FAM227B: variants seen among roughly 807,000 people sequenced by gnomAD.
FAM227B encodes the protein protein FAM227B.
FAM227B carries 88 observed loss-of-function variants against 73.8 expected under a neutral mutation model. That is an observed-to-expected ratio of 1.19 (90% CI 1.00 to 1.42). The LOEUF is 1.42. FAM227B is among the 40% of genes most tolerant of loss of function. The pLI is 0.00. For synonymous variants in FAM227B, 210 were observed against 190.5 expected (o/e 1.10, Z -0.84); for missense variants, 632 against 590.9 (o/e 1.07, Z -0.72).
At chr15:49,490,196 A>G (rs1031233442) in intron 11 of FAM227B, among the ~76,000 whole-genome samples, 5 of 151,754 alleles carry the variant, frequency 3.3e-5, no homozygotes, top group African/African-American at 1.2e-4. Flanking sequence ...AGGTTTTCCT[A>G]GATGCCTCCA....
chr15:49,574,352 C>A (rs1290311833), intron 8 of FAM227B, among the ~76,000 whole-genome samples: 1 of 152,132 alleles, frequency 6.6e-6, no homozygotes, highest in African/African-American at 2.4e-5. Context: ...GTAATCCCCA[C>A]ATGTCGAGGG....
At chr15:49,497,783 T>G (rs925339141) in intron 11 of FAM227B, among the ~76,000 whole-genome samples, 2 of 152,222 alleles carry the variant, frequency 1.3e-5, no homozygotes, top group African/African-American at 4.8e-5. Flanking sequence ...CGGTGTGTGG[T>G]AGACATGTAA....
Position 49,365,611 on chromosome 15 carries a change from G to A in FAM227B, c.1271+1837C>T. 13 of 1,097,610 alleles carry A rather than the reference G, an allele frequency of 1.2e-5. No individual in the cohort carries two copies. The South Asian group carries it at 1.4e-4, about 12-fold the overall frequency. The allele number at this position is 1,097,610 out of a possible 1,614,324, so 68.0% of individuals were successfully genotyped here. A position where few individuals can be genotyped will look rare whatever the true frequency, so the allele number is the denominator to read the frequency against. The stretch of plus-strand genomic sequence containing the variant: ...CTCACCATTCTTTGTGATGAATGGT[G>A]TTATGAAAACAAAAAATACATCATA... On this transcript the variant is annotated intron_variant, in intron 13 of 15. Transcript: ENST00000299338.
intron 11 of FAM227B, among the ~76,000 whole-genome samples, chr15:49,494,328 G>A (rs1016409322): frequency 6.6e-6 from 1 of 150,618 alleles, no homozygotes; most frequent in Non-Finnish European, 1.5e-5. Flanking sequence ...AAAAAATTCA[G>A]TTGAACAAAG....
chr15:49,550,005 A>T (rs111561194), intron 9 of FAM227B, among the ~76,000 whole-genome samples: 3 of 63,826 alleles, frequency 4.7e-5, no homozygotes, highest in South Asian at 5.7e-4. Context: ...CTGGCCGGGC[A>T]GGGGGCTGAC....
intron 15 of FAM227B, chr15:49,329,355 T>A (rs929242291): frequency 9.1e-6 from 9 of 985,394 alleles, no homozygotes; most frequent in Non-Finnish European, 1.1e-5. Context: ...CCAAAAAGTA[T>A]TTTGCTGAAA....
At chr15:49,371,708 GAAAT>G (rs1478338074) in intron 11 of FAM227B, among the ~76,000 whole-genome samples, 4 of 144,312 alleles carry the variant, frequency 2.8e-5, no homozygotes, top group Non-Finnish European at 6.1e-5. Context: ...ATAAATAAAT[GAAAT>G]AAAATTCACT....
At chr15:49,495,221 G>C (rs919398983) in intron 11 of FAM227B, among the ~76,000 whole-genome samples, 1 of 152,136 alleles carries the variant, frequency 6.6e-6, no homozygotes, top group Non-Finnish European at 1.5e-5. Flanking sequence ...TGGTAGACAT[G>C]GAAAATTATC....
At chr15:49,473,935 A>C (rs1025030524) in intron 11 of FAM227B, among the ~76,000 whole-genome samples, 3 of 152,154 alleles carry the variant, frequency 2.0e-5, no homozygotes, top group African/African-American at 7.2e-5. Context: ...AGGAACATTC[A>C]TCATTTGTTG....
At chr15:49,424,179 T>C (rs531184431) in intron 11 of FAM227B, 5 of 905,918 alleles carry the variant, frequency 5.5e-6, no homozygotes, top group Non-Finnish European at 8.4e-6. Flanking sequence ...GAGCAACTAC[T>C]CTTTCTTAAA....
chr15:49,410,025 C>G (rs963148053), intron 11 of FAM227B, among the ~76,000 whole-genome samples: 1 of 152,096 alleles, frequency 6.6e-6, no homozygotes, highest in Non-Finnish European at 1.5e-5. Flanking sequence ...TCAGGCTCAC[C>G]TTCCCACATG....
At chr15:49,583,601 G>A (rs1164044256) in intron 5 of FAM227B, among the ~76,000 whole-genome samples, 1 of 150,580 alleles carries the variant, frequency 6.6e-6, no homozygotes, top group African/African-American at 2.4e-5. Flanking sequence ...TCTGTCTATG[G>A]AGTAGCCATT....
Position 49,559,320 on chromosome 15 carries a change from G to T in FAM227B, c.747+8925C>A, listed in dbSNP as rs1187018817. Reference sequence around the variant, plus strand: ...TTTGGGCATTTGTGGGAAAGCAAGGGGCTCCAGCTGTGTCTCTCCAACCCC... The same window carrying T: ...TTTGGGCATTTGTGGGAAAGCAAGGTGCTCCAGCTGTGTCTCTCCAACCCC... On this transcript the variant is annotated intron_variant, in intron 9 of 15. Transcript: ENST00000299338. Among the ~76,000 whole-genome samples the T allele has an allele frequency of 3.9e-5, 6 of 152,126 alleles. No homozygotes were observed. In the East Asian group the frequency reaches 1.2e-3, roughly 30 times the overall value.
intron 10 of FAM227B, among the ~76,000 whole-genome samples, chr15:49,529,750 C>G (rs1273865466): frequency 6.6e-6 from 1 of 151,612 alleles, no homozygotes; most frequent in Non-Finnish European, 1.5e-5. Flanking sequence ...CACATCTACT[C>G]TTTTTCCTTC....
Position 49,335,495 on chromosome 15 carries a change from G to A in FAM227B, c.1273C>T (p.Leu425=). Residue 425 remains leucine, a splice_region_variant and synonymous_variant, in exon 14 of 16, where the codon CTA becomes TTA. Transcript: ENST00000299338. The part of the protein sequence containing the change: ...IKLTKIFQEP[L]PAPTYRDVIK... Reference sequence around the variant, plus strand: ...ACATCACGGTATGTTGGAGCAGGTAGTGTGCTAGGCTTATTATTAAGGAAT... The same window carrying A: ...ACATCACGGTATGTTGGAGCAGGTAATGTGCTAGGCTTATTATTAAGGAAT... 2 of 1,611,752 alleles carry A rather than the reference G, an allele frequency of 1.2e-6. No individual in the cohort carries two copies. Among genetic ancestry groups the A allele is most frequent in the South Asian group, 1.1e-5 (1 of 91,008 alleles).
chr15:49,564,049 G>A (rs1046837846), intron 9 of FAM227B, among the ~76,000 whole-genome samples: 2 of 151,998 alleles, frequency 1.3e-5, no homozygotes, highest in Non-Finnish European at 2.9e-5. Flanking sequence ...GCATAAACAG[G>A]CAACCTACAG....
chr15:49,612,095 A>AT (rs995709626), intron 2 of FAM227B, among the ~76,000 whole-genome samples: 71 of 143,542 alleles, frequency 4.9e-4, no homozygotes, highest in South Asian at 2.5e-3. Context: ...TGGAGAGGCT[A>AT]TTTTTTTTTA....
In FAM227B at chr15:49,577,168, G is replaced by C. The variant is rs1027098792; in HGVS notation, c.442-323C>G. 2.5e-5 allele frequency: 7 copies of C among 280,986 alleles called. No individual in the cohort carries two copies. In the East Asian group the frequency reaches 7.7e-4, roughly 31 times the overall value. 17.4% of individuals were successfully genotyped at this position (280,986 alleles called of 1,614,324 possible). A position where few individuals can be genotyped will look rare whatever the true frequency, so the allele number is the denominator to read the frequency against. On this transcript the variant is annotated intron_variant, in intron 6 of 15. Coordinates refer to ENST00000299338, the MANE Select transcript of FAM227B (RefSeq NM_152647.3). ...AAAAATTAGCTGGGCGTGGTGGCAC[G>C]TGCCTGTAATCACAGCTACTTGGGA...
intron 11 of FAM227B, among the ~76,000 whole-genome samples, chr15:49,412,169 ATGTG>A (rs2048911772): frequency 6.6e-6 from 1 of 152,114 alleles, no homozygotes; most frequent in Admixed American, 6.5e-5. Flanking sequence ...AGCTATAATC[ATGTG>A]TAGCCAAAAA....
Sources: allele counts gnomAD v4.1 joint callset (sites outside exome capture counted in the v4.1 genomes callset), GRCh38; gene constraint gnomAD v4.1.1; transcripts MANE v1.5; gene names NCBI Gene and HGNC (gene_info 2026-07-23, HGNC 2026-07-21).